DOCK7: variants seen among roughly 807,000 people sequenced by gnomAD.
DOCK7 encodes dedicator of cytokinesis protein 7.
A neutral mutation model predicts 271.0 loss-of-function variants in DOCK7; 138 were observed. The observed-to-expected ratio is 0.51, with a 90% CI of 0.44 to 0.59. The LOEUF (loss-of-function observed/expected upper bound fraction) is 0.59, where lower values mean the gene tolerates loss of function less well. DOCK7 is among the 20% of genes least tolerant of loss of function. DOCK7 has a pLI of 0.00. For missense variants in DOCK7, 2,066 were observed against 2,592.4 expected (o/e 0.80, Z 4.41); for synonymous variants, 823 against 876.1 (o/e 0.94, Z 1.07).
At chr1:62,578,167 T>A (rs1476632342) in intron 17 of DOCK7, among the ~76,000 whole-genome samples, 1 of 152,080 alleles carries the variant, frequency 6.6e-6, no homozygotes, top group Admixed American at 6.5e-5. Flanking sequence ...GGGTTTTAAT[T>A]TATTCTCCAA....
At chr1:62,601,669 A>T (rs1432146804) in intron 14 of DOCK7, 1 of 824,580 alleles carries the variant, frequency 1.2e-6, no homozygotes, top group African/African-American at 1.7e-5. Context: ...AAAAAATGCT[A>T]CATTTGCCAC....
At chr1:62,476,641 C>T (rs1645975684) in intron 44 of DOCK7, among the ~76,000 whole-genome samples, 1 of 152,004 alleles carries the variant, frequency 6.6e-6, no homozygotes, top group Non-Finnish European at 1.5e-5. Context: ...TGTTGCAGTT[C>T]TCTATGGGTT....
intron 14 of DOCK7, among the ~76,000 whole-genome samples, chr1:62,613,225 T>A (rs1341206355): frequency 6.6e-6 from 1 of 152,234 alleles, no homozygotes; most frequent in Non-Finnish European, 1.5e-5. Flanking sequence ...ATAGGGTAAG[T>A]ACTTCCTTGA....
At chr1:62,661,569 C>A (rs1018638839) in intron 2 of DOCK7, among the ~76,000 whole-genome samples, 23 of 151,926 alleles carry the variant, frequency 1.5e-4, no homozygotes, top group African/African-American at 5.3e-4. Flanking sequence ...ATTTCTAGGG[C>A]AGTATATAGC....
At chr1:62,653,921 A>C in intron 3 of DOCK7, 63 bp downstream of exon 3, 2 of 1,561,770 alleles carry the variant, frequency 1.3e-6, no homozygotes, top group Non-Finnish European at 1.7e-6. Context: ...CTCTAAATAA[A>C]ATAATGGAAG....
chr1:62,635,644 T>A (rs535357735), intron 8 of DOCK7: 2 of 152,188 alleles, frequency 1.3e-5, no homozygotes, highest in Non-Finnish European at 2.9e-5. Flanking sequence ...CCCAGCAGTT[T>A]CGAGTTAGCA....
intron 1 of DOCK7, among the ~76,000 whole-genome samples, chr1:62,664,184 G>A (rs909897344): frequency 1.3e-5 from 2 of 152,162 alleles, no homozygotes; most frequent in Admixed American, 6.5e-5. Flanking sequence ...GACAAGAAAG[G>A]AAGAATGAAT....
chr1:62,542,460 G>A (rs889223815), intron 25 of DOCK7, 148 bp downstream of exon 25: 2 of 650,744 alleles, frequency 3.1e-6, no homozygotes, highest in African/African-American at 1.8e-5. Flanking sequence ...TTTATTTAGA[G>A]ATGTAACACA....
At chr1:62,646,127 A>G (rs1291403787) in intron 7 of DOCK7, among the ~76,000 whole-genome samples, 2 of 150,710 alleles carry the variant, frequency 1.3e-5, no homozygotes, top group African/African-American at 4.9e-5. Context: ...AGCCTGGGCA[A>G]CATGGGCAAC....
intron 12 of DOCK7, among the ~76,000 whole-genome samples, chr1:62,620,554 G>A (rs1653058568): frequency 6.6e-6 from 1 of 151,600 alleles, no homozygotes; most frequent in African/African-American, 2.4e-5. Context: ...TGCCTATAAA[G>A]TATTACAAAA....
At chr1:62,495,360 G>T in intron 39 of DOCK7, 1 of 282,852 alleles carries the variant, frequency 3.5e-6, no homozygotes, top group Non-Finnish European at 6.5e-6. Flanking sequence ...GGGAGGCCAA[G>T]ACAGGCAGAT....
At position 62,549,473 on chromosome 1, in the gene DOCK7, A is replaced by G. The variant is rs371243258; in HGVS notation, c.2766+3259T>C. ...AAATAGCAAGTAAGGTAGCAGTTGAAATACTAGAGAATAATTACTATAATT... is the reference window on the plus strand; with the variant it reads ...AAATAGCAAGTAAGGTAGCAGTTGAGATACTAGAGAATAATTACTATAATT... On this transcript the variant is annotated intron_variant, in intron 22 of 49. Coordinates refer to ENST00000635253, the MANE Select transcript of DOCK7 (RefSeq NM_001367561.1). Among the ~76,000 whole-genome samples, 34 of 152,286 alleles carry G rather than the reference A, an allele frequency of 2.2e-4. No homozygotes were observed. The South Asian group carries it at 6.8e-3, about 31-fold the overall frequency.
chr1:62,513,450 G>A lies in DOCK7; in HGVS notation c.4276C>T (p.Pro1426Ser), dbSNP rs1356060840. Residue 1426 changes from proline (P) to serine (S), a missense_variant, in exon 33 of 50, where the codon CCT becomes TCT. Pro to Ser is a moderately conservative substitution (Grantham distance 74). Around this residue, in one of 2 missense-constraint regions of DOCK7, gnomAD observed 652 missense variants for 922.1 expected, o/e 0.71. Coordinates refer to ENST00000635253, the MANE Select transcript of DOCK7 (RefSeq NM_001367561.1). ...AAATTGAAGAAATTCTCACCAGGAGGAGAAGCTATTGTGTACGTACCGAGC... is the reference window on the plus strand; with the variant it reads ...AAATTGAAGAAATTCTCACCAGGAGAAGAAGCTATTGTGTACGTACCGAGC... ...GQLGTYTIAS[P>S]PERSPSGSAF... The A allele has an allele frequency of 1.3e-6, 2 of 1,588,448 alleles. No individual in the cohort carries two copies. Among genetic ancestry groups the A allele is most frequent in the Non-Finnish European group, 1.7e-6 (2 of 1,173,008 alleles).
chr1:62,547,925 T>C (rs1255069128), intron 22 of DOCK7, among the ~76,000 whole-genome samples: 2 of 152,212 alleles, frequency 1.3e-5, no homozygotes, highest in East Asian at 3.8e-4. Flanking sequence ...GTCAAATCTC[T>C]GCAGACCTTT....
At chr1:62,529,120 A>G (rs1645100397) in intron 30 of DOCK7, among the ~76,000 whole-genome samples, 157 bp downstream of exon 30, 1 of 152,188 alleles carries the variant, frequency 6.6e-6, no homozygotes, top group South Asian at 2.1e-4. Context: ...TCACACGGTC[A>G]AAGGTTTTCT....
intron 14 of DOCK7, among the ~76,000 whole-genome samples, chr1:62,593,986 G>C (rs1648851245): frequency 6.6e-6 from 1 of 152,108 alleles, no homozygotes; most frequent in South Asian, 2.1e-4. Context: ...TGCTTTGCTT[G>C]GAATTTAAAC....
intron 2 of DOCK7, 45 bp from the exon 3 acceptor site, chr1:62,654,204 G>A: frequency 2.0e-6 from 3 of 1,507,176 alleles, no homozygotes; most frequent in Non-Finnish European, 2.7e-6. Context: ...AACAAGAGGT[G>A]AATGTAATAA....
At position 62,555,904 on chromosome 1, in the gene DOCK7, A is replaced by T. The variant is rs748787643; in HGVS notation, c.2517T>A (p.His839Gln). The T allele has an allele frequency of 6.2e-7, 1 of 1,613,988 alleles. No homozygotes were observed. Among genetic ancestry groups the T allele is most frequent in the South Asian group, 1.1e-5 (1 of 91,074 alleles). Residue 839 changes from histidine to glutamine, a missense_variant, in exon 21 of 50, where the codon CAT (histidine) becomes CAA (glutamine). Transcript: ENST00000635253. ...ATGATGCAAGAAGGCTGTTTCTGCC[A>T]TGCTGGTCATGATTTCCTTCCAAGT... is the stretch of plus-strand genomic sequence containing the variant. ...HKNLEGNHDQ[H>Q]GRNSLLASYI...
At chr1:62,520,087 T>A (rs962085076) in intron 31 of DOCK7, among the ~76,000 whole-genome samples, 1 of 152,276 alleles carries the variant, frequency 6.6e-6, no homozygotes, top group Non-Finnish European at 1.5e-5. Flanking sequence ...TTATACCTTA[T>A]ACAAAAATTA....
Sources: gnomAD v4.1 joint callset for allele counts (sites outside exome capture counted in the v4.1 genomes callset) on GRCh38, gnomAD v4.1.1 for gene constraint, gnomAD v4.1.1 regional missense constraint, MANE v1.5 for transcripts, NCBI Gene and HGNC (gene_info 2026-07-23, HGNC 2026-07-21) for gene names.